Variants in GLI2 observed in about 807,000 individuals in gnomAD.
The protein encoded by GLI2 is transcription activator GLI2.
Under a neutral mutation model 78.9 loss-of-function variants are expected in GLI2, and 22 were observed. The observed-to-expected ratio is 0.28, with a 90% confidence interval of 0.20 to 0.40. GLI2 has a LOEUF of 0.40. Ranked by LOEUF, GLI2 falls within the 10% of genes least tolerant of loss-of-function variation. The pLI is 1.00. For missense variants in GLI2, 2,097 were observed against 2,213.2 expected (o/e 0.95, Z 1.05); for synonymous variants, 974 against 963.7 (o/e 1.01, Z -0.20).
intron 1 of GLI2, among the ~76,000 whole-genome samples, chr2:120,794,843 G>C (rs1295295542): frequency 6.6e-6 from 1 of 152,112 alleles, no homozygotes; most frequent in Non-Finnish European, 1.5e-5. Context: ...AGGCCAAAAG[G>C]AGGCCCCTGA....
At chr2:120,821,677 G>T (rs141983741) in intron 2 of GLI2, among the ~76,000 whole-genome samples, 2 of 152,174 alleles carry the variant, frequency 1.3e-5, no homozygotes, top group African/African-American at 4.8e-5. Context: ...GGAGGTGCCT[G>T]TGCATAGACT....
chr2:120,941,636 C>T (rs1015386320), intron 3 of GLI2, among the ~76,000 whole-genome samples: 1 of 152,192 alleles, frequency 6.6e-6, no homozygotes, highest in African/African-American at 2.4e-5. Flanking sequence ...TCAGTGGGCC[C>T]AGAGGACGCC....
intron 1 of GLI2, among the ~76,000 whole-genome samples, chr2:120,770,578 G>C (rs1683493562): frequency 6.6e-6 from 1 of 152,208 alleles, no homozygotes; most frequent in African/African-American, 2.4e-5. Context: ...CACGCTGCCT[G>C]CTTCCTGACA....
At position 120,797,429 on chromosome 2, in the gene GLI2, G is replaced by A. The variant is rs768926635; in HGVS notation, c.109G>A (p.Val37Met). Residue 37 changes from valine to methionine, a missense_variant, in exon 2 of 14, where the codon GTG (valine) becomes ATG (methionine). Val to Met is a conservative substitution (Grantham distance 21). Coordinates refer to ENST00000361492, the MANE Select transcript of GLI2 (RefSeq NM_001374353.1). Reference protein sequence around the residue: ...DPGKKASPLVVAAAAAAAVAA... With the variant: ...DPGKKASPLVMAAAAAAAVAA... The stretch of plus-strand genomic sequence containing the variant: ...GGGTAAAAAGGCCTCTCCTTTGGTG[G>A]TGGCTGCAGCGGCAGCAGCAGCGGT... The A allele has an allele frequency of 2.5e-5, 41 of 1,614,000 alleles. No homozygotes were observed. Among genetic ancestry groups the A allele is most frequent in the Middle Eastern group, 3.3e-4 (2 of 6,078 alleles).
intron 2 of GLI2, among the ~76,000 whole-genome samples, chr2:120,821,540 G>A (rs1685776169): frequency 6.6e-6 from 1 of 152,138 alleles, no homozygotes. Flanking sequence ...CATCAAACGT[G>A]AGGATGAGGA....
intron 2 of GLI2, among the ~76,000 whole-genome samples, chr2:120,883,067 T>C (rs2104720602): frequency 6.6e-6 from 1 of 152,314 alleles, no homozygotes; most frequent in Admixed American, 6.5e-5. Flanking sequence ...CTGAATATCA[T>C]ATAAATGGCA....
intron 1 of GLI2, among the ~76,000 whole-genome samples, chr2:120,757,423 G>C (rs1309727861): frequency 6.6e-6 from 1 of 152,170 alleles, no homozygotes; most frequent in Non-Finnish European, 1.5e-5. Context: ...ATTATTCCTT[G>C]CTATTGAGGT....
Position 120,797,379 on chromosome 2 carries a change from T to C in GLI2, c.59T>C (p.Leu20Pro), listed in dbSNP as rs1309816028. 6.2e-7 allele frequency: 1 copy of C among 1,613,934 alleles called. No individual in the cohort carries two copies. The highest frequency in any genetic ancestry group is 2.2e-5 in the East Asian group (1 of 44,866). Residue 20 changes from leucine to proline, a missense_variant, in exon 2 of 14, where the codon CTG becomes CCG. Around this residue, in one of 5 missense-constraint regions of GLI2, gnomAD observed 578 missense variants for 612.0 expected, o/e 0.94. Transcript: ENST00000361492. The part of the protein sequence containing the change: ...SEKQEAKSGI[L>P]EAAGFPDPGK... Reference sequence around the variant, plus strand: ...AAGCAAGAAGCCAAAAGTGGGATCCTGGAGGCCGCTGGCTTCCCCGACCCG... The same window carrying C: ...AAGCAAGAAGCCAAAAGTGGGATCCCGGAGGCCGCTGGCTTCCCCGACCCG...
At chr2:120,833,551 C>T (rs1686468124) in intron 2 of GLI2, among the ~76,000 whole-genome samples, 1 of 152,200 alleles carries the variant, frequency 6.6e-6, no homozygotes. Context: ...GCAGGGCTGT[C>T]ATGAGTGGAA....
Position 120,978,447 on chromosome 2 carries a change from A to T in GLI2, c.1331A>T (p.Glu444Val). 3 of 1,614,180 alleles carry T rather than the reference A, an allele frequency of 1.9e-6. No homozygotes were observed. Among genetic ancestry groups the T allele is most frequent in the Non-Finnish European group, 2.5e-6 (3 of 1,180,018 alleles). The change falls in exon 10 of 14, where the codon GAG (glutamate) becomes GTG (valine). Residue 444 changes from glutamate to valine, a missense_variant. By Grantham distance (121) the Glu-to-Val change is moderately radical. Transcript: ENST00000361492. ...QEQLVHHINN[E>V]HIHGEKKEFV... ...TCCCTCCGGCAGCACATCAACAACG[A>T]GCACATCCACGGGGAGAAGAAGGAG...
At chr2:120,920,114 G>A (rs113337372) in intron 2 of GLI2, among the ~76,000 whole-genome samples, 3,207 of 152,340 alleles carry the variant, frequency 0.021, 56 homozygotes, top group Non-Finnish European at 0.033. Flanking sequence ...TGATGGAAGA[G>A]ACCATGGTAA....
intron 2 of GLI2, among the ~76,000 whole-genome samples, chr2:120,839,874 T>G (rs1686786581): frequency 6.6e-6 from 1 of 152,304 alleles, no homozygotes; most frequent in Non-Finnish European, 1.5e-5. Context: ...TTTCACAGAG[T>G]TTTATTAATC....
rs562781448 is a variant in GLI2 at position 120,882,598 on chromosome 2, G to A, written c.149-44763G>A. On this transcript the variant is annotated intron_variant, in intron 2 of 13. Transcript: ENST00000361492. ...CAGGCCTGCTGGGCTGTCTTTGAGC[G>A]CGGGTGTCTGGGCCCACCCTCCTCT... Among the ~76,000 whole-genome samples the A allele has an allele frequency of 6.6e-5, 10 of 152,346 alleles. No individual in the cohort carries two copies. In the South Asian group the frequency reaches 1.9e-3, roughly 28 times the overall value.
intron 2 of GLI2, among the ~76,000 whole-genome samples, chr2:120,882,494 G>C (rs1308986444): frequency 6.6e-6 from 1 of 152,282 alleles, no homozygotes; most frequent in African/African-American, 2.4e-5. Context: ...TGAATTTGTG[G>C]AACGCAGATG....
chr2:120,915,784 A>G (rs1381175187), intron 2 of GLI2, among the ~76,000 whole-genome samples: 1 of 152,096 alleles, frequency 6.6e-6, no homozygotes, highest in Non-Finnish European at 1.5e-5. Context: ...ACTTTCATTC[A>G]TGTACCATCG....
intron 2 of GLI2, among the ~76,000 whole-genome samples, chr2:120,821,786 C>T (rs1484772215): frequency 6.6e-6 from 1 of 152,208 alleles, no homozygotes; most frequent in African/African-American, 2.4e-5. Flanking sequence ...CCCCCAGAGG[C>T]AGGTGCAACC....
chr2:120,984,843 C>T, intron 12 of GLI2, 100 bp downstream of exon 12: 1 of 1,237,632 alleles, frequency 8.1e-7, no homozygotes, highest in South Asian at 1.2e-5. Flanking sequence ...AGGCCCCCCT[C>T]TAGGGGCACA....
intron 2 of GLI2, among the ~76,000 whole-genome samples, chr2:120,926,072 CAAAAAAAAAA>C (rs35224973): frequency 1.6e-5 from 1 of 63,236 alleles, no homozygotes; most frequent in Non-Finnish European, 2.5e-5. Context: ...GACTCCGTCT[CAAAAAAAAAA>C]AAAAAAAAAA....
intron 2 of GLI2, among the ~76,000 whole-genome samples, chr2:120,798,928 G>T (rs150888853): frequency 6.6e-6 from 1 of 152,320 alleles, no homozygotes; most frequent in Non-Finnish European, 1.5e-5. Context: ...TGTATGTCTG[G>T]CCTGCCCCAG....
Sources: gnomAD v4.1 joint callset for allele counts (sites outside exome capture counted in the v4.1 genomes callset) on GRCh38, gnomAD v4.1.1 for gene constraint, gnomAD v4.1.1 regional missense constraint, MANE v1.5 for transcripts, NCBI Gene and HGNC (gene_info 2026-07-23, HGNC 2026-07-21) for gene names.